Variants in EDEM3 observed in about 807,000 individuals in gnomAD.
The protein encoded by EDEM3 is ER degradation enhancing alpha-mannosidase like protein 3.
Under a neutral mutation model 110.2 loss-of-function variants are expected in EDEM3, and 60 were observed. That is an observed-to-expected ratio of 0.54 (90% CI 0.44 to 0.67). The LOEUF (loss-of-function observed/expected upper bound fraction) is 0.67. Among genes scored for constraint, EDEM3 ranks in the 30% least tolerant of loss-of-function variants. EDEM3 has a pLI of 0.00. For missense variants in EDEM3, 996 were observed against 1,121.0 expected, an observed-to-expected ratio of 0.89 and a Z score of 1.59; for synonymous variants, 352 against 382.9, an observed-to-expected ratio of 0.92 and a Z score of 0.94.
chr1:184,754,641 G>C lies in EDEM3; in HGVS notation c.6C>G (p.Ser2Arg). 6.4e-7 allele frequency: 1 copy of C among 1,573,554 alleles called. No individual in the cohort carries two copies. The highest frequency in any genetic ancestry group is 1.4e-5 in the African/African-American group (1 of 73,570). M[S>R]EAGGRGCGSP... ...ACCCACAGCCCCGGCCGCCGGCTTCGCTCATGGCCCCGCGGTTCCGCGCAC... is the reference window on the plus strand; with the variant it reads ...ACCCACAGCCCCGGCCGCCGGCTTCCCTCATGGCCCCGCGGTTCCGCGCAC... The change falls in exon 1 of 20, where the codon AGC (serine) becomes AGG (arginine). Residue 2 changes from serine to arginine, a missense_variant. Coordinates refer to ENST00000318130, the MANE Select transcript of EDEM3 (RefSeq NM_025191.4).
At chr1:184,729,682 A>G (rs12126231) in intron 6 of EDEM3, among the ~76,000 whole-genome samples, 46,133 of 152,136 alleles carry the variant, frequency 0.3, 8,579 homozygotes, top group East Asian at 0.54. Flanking sequence ...CTAAGCATGT[A>G]TAAGAAAGGA....
chr1:184,698,474 A>G (rs9661314), intron 19 of EDEM3, among the ~76,000 whole-genome samples: 87,059 of 151,486 alleles, frequency 0.57, 26,541 homozygotes, highest in African/African-American at 0.79. Flanking sequence ...TATCCTACTA[A>G]CTTGGAGGAA....
At chr1:184,704,183 G>A (rs12079454) in intron 18 of EDEM3, among the ~76,000 whole-genome samples, 6,431 of 151,914 alleles carry the variant, frequency 0.042, 259 homozygotes, top group African/African-American at 0.11. Context: ...TTAAACCAAC[G>A]TAATTATCTC....
chr1:184,745,747 G>A (rs776363638), intron 2 of EDEM3, among the ~76,000 whole-genome samples: 7 of 152,054 alleles, frequency 4.6e-5, no homozygotes, highest in Non-Finnish European at 7.4e-5. Flanking sequence ...TATTAGGTAC[G>A]ATTCTACTAA....
At chr1:184,719,968 C>T (rs1258059858) in intron 9 of EDEM3, among the ~76,000 whole-genome samples, 3 of 152,154 alleles carry the variant, frequency 2.0e-5, no homozygotes, top group Admixed American at 2.0e-4. Context: ...AAGTTTGATC[C>T]CTTCTCGGCT....
intron 2 of EDEM3, among the ~76,000 whole-genome samples, chr1:184,748,702 T>G (rs1191062894): frequency 6.6e-6 from 1 of 152,094 alleles, no homozygotes; most frequent in African/African-American, 2.4e-5. Flanking sequence ...TAGATAACAA[T>G]GATGTTAGTG....
rs1571335210 is a variant in EDEM3, at chr1:184,692,329, G to A, written c.*1734C>T. On this transcript the variant is annotated 3_prime_UTR_variant, in exon 20 of 20. Coordinates refer to ENST00000318130, the MANE Select transcript of EDEM3 (RefSeq NM_025191.4). ...ATTTTGGTTTCAGGTATAATTAAAA[G>A]CCAATAAGGGTCTTGCATACTATTC... 6.6e-6 allele frequency: 1 copy of A among 152,046 alleles called. No individual in the cohort carries two copies. The highest frequency in any genetic ancestry group is 1.9e-4 in the East Asian group (1 of 5,192). The allele number at this position is 152,046 out of a possible 1,614,324, so 9.4% of individuals were successfully genotyped here. A position where few individuals can be genotyped will look rare whatever the true frequency, so the allele number is the denominator to read the frequency against.
chr1:184,715,731 T>C (rs1434909348), intron 13 of EDEM3, among the ~76,000 whole-genome samples: 1 of 152,186 alleles, frequency 6.6e-6, no homozygotes, highest in East Asian at 1.9e-4. Context: ...ACACATAAAA[T>C]GCTTAGAAGA....
chr1:184,726,219 C>A, intron 7 of EDEM3, 36 bp downstream of exon 7: 1 of 1,605,502 alleles, frequency 6.2e-7, no homozygotes. Flanking sequence ...TAGTTATGCC[C>A]AATACCCAGG....
chr1:184,708,756 C>G (rs1650069730), intron 16 of EDEM3, among the ~76,000 whole-genome samples: 1 of 152,250 alleles, frequency 6.6e-6, no homozygotes, highest in Admixed American at 6.5e-5. Context: ...CTGTGAAGCA[C>G]TTATTCCATC....
intron 9 of EDEM3, chr1:184,720,509 C>CTTTTTTTTTTTTTTTTTTTTTTTTTT (rs34268021): frequency 1.3e-4 from 17 of 127,444 alleles, no homozygotes; most frequent in African/African-American, 4.7e-4. Flanking sequence ...ATCTCCCATA[C>CTTTTTTTTTTTTTTTTTTTTTTTTTT]TTTTTTTTTT....
At chr1:184,744,580 T>C (rs187746122) in intron 2 of EDEM3, among the ~76,000 whole-genome samples, 9 of 151,992 alleles carry the variant, frequency 5.9e-5, no homozygotes, top group African/African-American at 2.2e-4. Flanking sequence ...TATATGAAAA[T>C]GTATGCCCAA....
intron 18 of EDEM3, among the ~76,000 whole-genome samples, chr1:184,705,653 T>A (rs1257048283): frequency 6.6e-6 from 1 of 152,194 alleles, no homozygotes; most frequent in Non-Finnish European, 1.5e-5. Context: ...TATTCTGTTT[T>A]ACCTGAACTA....
At chr1:184,700,962 AT>A (rs1649588500) in intron 19 of EDEM3, among the ~76,000 whole-genome samples, 1 of 152,062 alleles carries the variant, frequency 6.6e-6, no homozygotes, top group African/African-American at 2.4e-5. Flanking sequence ...TCACAGTTCA[AT>A]AAATTTATAG....
intron 19 of EDEM3, among the ~76,000 whole-genome samples, chr1:184,700,301 C>A (rs985445657): frequency 6.6e-6 from 1 of 151,892 alleles, no homozygotes; most frequent in Non-Finnish European, 1.5e-5. Context: ...AAAAGGACTT[C>A]TTAATCAGCA....
At chr1:184,736,749 A>G (rs10911645) in intron 4 of EDEM3, among the ~76,000 whole-genome samples, 46,370 of 152,040 alleles carry the variant, frequency 0.3, 8,600 homozygotes, top group East Asian at 0.55. Flanking sequence ...AATAGCTTCA[A>G]CCTCCTTGTC....
intron 6 of EDEM3, among the ~76,000 whole-genome samples, chr1:184,727,200 G>A (rs1558059952): frequency 6.6e-6 from 1 of 152,322 alleles, no homozygotes; most frequent in Non-Finnish European, 1.5e-5. Flanking sequence ...GCTGAGGCAC[G>A]AATCTCTTGA....
chr1:184,709,037 A>G (rs1650086361), intron 16 of EDEM3, among the ~76,000 whole-genome samples: 1 of 152,202 alleles, frequency 6.6e-6, no homozygotes, highest in Non-Finnish European at 1.5e-5. Flanking sequence ...CCAACAAGAC[A>G]TGATAGAAGT....
chr1:184,732,814 T>A, intron 6 of EDEM3, 23 bp downstream of exon 6: 1 of 1,605,834 alleles, frequency 6.2e-7, no homozygotes. Context: ...ATATAAAGAC[T>A]CATATTTTTC....
Sources: allele counts gnomAD v4.1 joint callset (sites outside exome capture counted in the v4.1 genomes callset), GRCh38; gene constraint gnomAD v4.1.1; transcripts MANE v1.5; gene names NCBI Gene and HGNC (gene_info 2026-07-23, HGNC 2026-07-21).